GRID1: variants seen among roughly 807,000 people sequenced by gnomAD.
GRID1 encodes the protein glutamate receptor ionotropic, delta-1.
A neutral mutation model predicts 98.0 loss-of-function variants in GRID1; 28 were observed. That is an observed-to-expected ratio of 0.29 (90% CI 0.21 to 0.39). The LOEUF (loss-of-function observed/expected upper bound fraction) is 0.39, where lower values mean the gene tolerates loss of function less well. Among genes scored for constraint, GRID1 ranks in the 10% least tolerant of loss-of-function variants. The pLI is 1.00. For missense variants in GRID1, 1,111 were observed against 1,340.5 expected (o/e 0.83, Z 2.67); for synonymous variants, 553 against 538.5 (o/e 1.03, Z -0.37).
rs563734469 is a variant in GRID1, at chr10:86,177,609, T to G, written c.520+28755A>C. 3.3e-5 allele frequency among the ~76,000 whole-genome samples: 5 copies of G among 151,948 alleles called. No homozygotes were observed. The South Asian group carries it at 1.0e-3, about 32-fold the overall frequency. ...GACAGAGACAGTGTGTGTGTGCACA[T>G]GCATGACACAGAGAAAGAGACTTTA... On this transcript the variant is annotated intron_variant, in intron 3 of 15. Coordinates refer to ENST00000327946, the MANE Select transcript of GRID1 (RefSeq NM_017551.3).
intron 4 of GRID1, among the ~76,000 whole-genome samples, chr10:86,035,247 A>C (rs910945714): frequency 2.0e-5 from 3 of 152,182 alleles, no homozygotes; most frequent in Non-Finnish European, 4.4e-5. Flanking sequence ...TTTCTCTGGA[A>C]AGGGAAGCTC....
At chr10:85,813,208 A>T (rs1416849877) in intron 8 of GRID1, among the ~76,000 whole-genome samples, 1 of 150,676 alleles carries the variant, frequency 6.6e-6, no homozygotes, top group Admixed American at 6.6e-5. Context: ...AATTTGATAA[A>T]ATATATATAT....
rs113541252 is a variant in GRID1, at chr10:85,691,673, C to A, written c.1997+31330G>T. On this transcript the variant is annotated intron_variant, in intron 12 of 15. Transcript: ENST00000327946. Reference sequence around the variant, plus strand: ...CCTTCTAGTTCGCATCTATTACAATCAATTTCAATAAGACAGTTTCTCTTT... The same window carrying A: ...CCTTCTAGTTCGCATCTATTACAATAAATTTCAATAAGACAGTTTCTCTTT... Among the ~76,000 whole-genome samples, 730 of 152,352 alleles carry A rather than the reference C, an allele frequency of 4.8e-3. 8 individuals carry two copies. The highest frequency in any genetic ancestry group is 0.016 in the African/African-American group (677 of 41,594).
chr10:85,638,204 G>T (rs1317075511), intron 13 of GRID1, among the ~76,000 whole-genome samples: 2 of 152,238 alleles, frequency 1.3e-5, no homozygotes, highest in South Asian at 4.1e-4. Flanking sequence ...GAAGACAAAA[G>T]TTGGTATTTT....
At chr10:85,769,936 C>T (rs1842240145) in intron 8 of GRID1, among the ~76,000 whole-genome samples, 1 of 152,224 alleles carries the variant, frequency 6.6e-6, no homozygotes, top group Non-Finnish European at 1.5e-5. Flanking sequence ...CCTCTGCAGA[C>T]TTAAATGTCC....
At chr10:85,881,758 G>A (rs896412595) in intron 5 of GRID1, among the ~76,000 whole-genome samples, 4 of 152,134 alleles carry the variant, frequency 2.6e-5, no homozygotes, top group African/African-American at 9.7e-5. Context: ...GGCAACAAAA[G>A]CCAAAATTGA....
At chr10:85,904,561 G>A (rs1013175530) in intron 5 of GRID1, among the ~76,000 whole-genome samples, 1 of 152,072 alleles carries the variant, frequency 6.6e-6, no homozygotes, top group African/African-American at 2.4e-5. Context: ...GCAGAGTGCT[G>A]ACCCAGAACT....
intron 4 of GRID1, among the ~76,000 whole-genome samples, chr10:86,017,193 A>C (rs77694341): frequency 0.019 from 2,834 of 152,322 alleles, 96 homozygotes; most frequent in African/African-American, 0.065. Context: ...AAATCTCTCC[A>C]AGGTTCAATT....
chr10:85,924,103 T>C (rs1324829431), intron 4 of GRID1, among the ~76,000 whole-genome samples: 1 of 152,060 alleles, frequency 6.6e-6, no homozygotes, highest in African/African-American at 2.4e-5. Flanking sequence ...AAAATGTGCC[T>C]ACAGAATGAA....
rs573990357 is a variant in GRID1, at chr10:86,245,883, G to A, written c.236-39235C>T. Among the ~76,000 whole-genome samples the A allele has an allele frequency of 2.0e-5, 3 of 152,392 alleles. No homozygotes were observed. In the East Asian group the frequency reaches 5.8e-4, roughly 29 times the overall value. ...TGGGGCAGCACAGGAAGCCAGGGAA[G>A]GCAGGAAGAAGGAACCCTCATGGTC... On this transcript the variant is annotated intron_variant, in intron 2 of 15. Transcript: ENST00000327946.
chr10:86,020,070 T>A (rs1843030242), intron 4 of GRID1, among the ~76,000 whole-genome samples: 1 of 152,244 alleles, frequency 6.6e-6, no homozygotes, highest in South Asian at 2.1e-4. Flanking sequence ...TGTACCCATT[T>A]ATAACACAAA....
chr10:86,254,895 C>T (rs1846893822), intron 2 of GRID1, among the ~76,000 whole-genome samples: 1 of 152,214 alleles, frequency 6.6e-6, no homozygotes, highest in Non-Finnish European at 1.5e-5. Flanking sequence ...CCTGAGGGAC[C>T]CTCACTAAAG....
intron 12 of GRID1, among the ~76,000 whole-genome samples, chr10:85,705,720 C>A (rs1305319154): frequency 2.0e-5 from 3 of 152,142 alleles, no homozygotes; most frequent in African/African-American, 7.2e-5. Flanking sequence ...AAAATATTGG[C>A]AAACCGAATC....
chr10:85,862,429 C>T (rs1039614926), intron 6 of GRID1, among the ~76,000 whole-genome samples: 1 of 152,114 alleles, frequency 6.6e-6, no homozygotes, highest in Admixed American at 6.5e-5. Context: ...GAGATGGGAG[C>T]TCTGTGTGAA....
Position 86,197,280 on chromosome 10 carries a change from G to C in GRID1, c.520+9084C>G, listed in dbSNP as rs7072778. Reference sequence around the variant, plus strand: ...TGCAGGAAGAGTGTCCCAGGCAGAGGAAACAGCCAGCCCAAAGCCTCTGCA... The same window carrying C: ...TGCAGGAAGAGTGTCCCAGGCAGAGCAAACAGCCAGCCCAAAGCCTCTGCA... On this transcript the variant is annotated intron_variant, in intron 3 of 15. Coordinates refer to ENST00000327946, the MANE Select transcript of GRID1 (RefSeq NM_017551.3). Among the ~76,000 whole-genome samples the C allele has an allele frequency of 6.6e-5, 10 of 152,066 alleles. 1 individual carries two copies. The highest frequency in any genetic ancestry group is 1.5e-4 in the Non-Finnish European group (10 of 67,972).
chr10:86,313,999 C>T (rs182899076), intron 2 of GRID1, among the ~76,000 whole-genome samples: 14 of 152,360 alleles, frequency 9.2e-5, no homozygotes, highest in Non-Finnish European at 1.3e-4. Context: ...ACTAACCTAT[C>T]ACCATCCATA....
At chr10:86,353,276 C>A (rs917007220) in intron 2 of GRID1, among the ~76,000 whole-genome samples, 4 of 152,226 alleles carry the variant, frequency 2.6e-5, no homozygotes, top group African/African-American at 9.6e-5. Context: ...GATGCCACCT[C>A]CCAACTGGGA....
At chr10:86,090,751 C>A (rs1176066655) in intron 4 of GRID1, among the ~76,000 whole-genome samples, 1 of 152,180 alleles carries the variant, frequency 6.6e-6, no homozygotes, top group African/African-American at 2.4e-5. Context: ...CGAGAGGACC[C>A]ACAGACCCTC....
At chr10:85,827,625 T>C (rs1458709124) in intron 8 of GRID1, among the ~76,000 whole-genome samples, 2 of 150,448 alleles carry the variant, frequency 1.3e-5, no homozygotes, top group African/African-American at 4.9e-5. Context: ...GCTAGAAAAA[T>C]GCAGGGACTG....
Sources: gnomAD v4.1 joint callset for allele counts (sites outside exome capture counted in the v4.1 genomes callset) on GRCh38, gnomAD v4.1.1 for gene constraint, MANE v1.5 for transcripts, NCBI Gene and HGNC (gene_info 2026-07-23, HGNC 2026-07-21) for gene names.